Variants in TRAK1 observed in about 807,000 individuals in gnomAD.
TRAK1 encodes trafficking kinesin protein 1, also known as trafficking kinesin-binding protein 1.
In TRAK1, 33 loss-of-function variants were observed where a neutral mutation model predicts 92.1. The ratio of observed to expected loss-of-function variants is 0.36; its 90% confidence interval spans 0.27 to 0.48. The LOEUF (loss-of-function observed/expected upper bound fraction) is 0.48. Among genes scored for constraint, TRAK1 ranks in the 20% least tolerant of loss-of-function variants. TRAK1 has a pLI of 0.99. For missense variants in TRAK1, 1,123 were observed against 1,257.9 expected (o/e 0.89, Z 1.62); for synonymous variants, 521 against 517.3 (o/e 1.01, Z -0.10).
intron 1 of TRAK1, among the ~76,000 whole-genome samples, chr3:42,057,651 A>G (rs1043517555): frequency 2.6e-5 from 4 of 151,962 alleles, no homozygotes; most frequent in African/African-American, 9.7e-5. Flanking sequence ...TGCTGCTCTC[A>G]TCTTGTGATC....
At chr3:42,109,966 C>CA (rs979037700) in intron 1 of TRAK1, among the ~76,000 whole-genome samples, 10 of 149,036 alleles carry the variant, frequency 6.7e-5, no homozygotes, top group East Asian at 2.0e-4. Flanking sequence ...GTAGGGGTGG[C>CA]GGGGGGGATG....
chr3:42,194,773 TC>T (rs1448669829), intron 9 of TRAK1, 30 bp from the exon 10 acceptor site: 1 of 1,610,812 alleles, frequency 6.2e-7, no homozygotes, highest in Non-Finnish European at 8.5e-7. Context: ...GCTCAGGAGA[TC>T]CTGACCCTCT....
At chr3:42,217,451 C>T in intron 14 of TRAK1, 1 of 985,362 alleles carries the variant, frequency 1.0e-6, no homozygotes, top group Non-Finnish European at 1.2e-6. Flanking sequence ...ATCCCCAAAA[C>T]CCATTTGTAT....
intron 1 of TRAK1, among the ~76,000 whole-genome samples, chr3:42,093,668 TCCCCTCCCCTCCCC>T (rs1705454991): frequency 2.6e-4 from 2 of 7,676 alleles, no homozygotes; most frequent in Non-Finnish European, 7.3e-4. Context: ...TTCCCTTCCC[TCCCCTCCCCTCCCC>T]TCCCCTCCCC....
chr3:42,217,762 G>A, intron 14 of TRAK1: 2 of 985,306 alleles, frequency 2.0e-6, no homozygotes, highest in Non-Finnish European at 2.4e-6. Context: ...TATTTGGGAT[G>A]CTCTTCCCAG....
At position 42,151,518 on chromosome 3, in the gene TRAK1, C is replaced by T. The variant is rs1277856377; in HGVS notation, c.287-25296C>T. ...AAATACTTGTCCTTTATCATCTATC[C>T]CATTTTGGATGAAGGGAAGAAGGTT... is the stretch of plus-strand genomic sequence containing the variant. On this transcript the variant is annotated intron_variant, in intron 2 of 15. Coordinates refer to ENST00000327628, the MANE Select transcript of TRAK1 (RefSeq NM_001042646.3). 3 of 318,598 alleles carry T rather than the reference C, an allele frequency of 9.4e-6. No homozygotes were observed. In the East Asian group the frequency reaches 3.2e-4, roughly 34 times the overall value. The allele number at this position is 318,598 out of a possible 1,614,324, so 19.7% of individuals were successfully genotyped here.
Position 42,223,184 on chromosome 3 carries a change from C to T in TRAK1, c.2309C>T (p.Ser770Phe), listed in dbSNP as rs1292685304. ...DRAGRGSLLH[S>F]YTPKMAVIPS... The stretch of plus-strand genomic sequence containing the variant: ...GCCGGCCGGGGCTCCCTCCTGCACT[C>T]CTACACGCCCAAGATGGCTGTGATC... Residue 770 changes from serine to phenylalanine, a missense_variant, in exon 16 of 16, where the codon TCC becomes TTC. Coordinates refer to ENST00000327628, the MANE Select transcript of TRAK1 (RefSeq NM_001042646.3). This position sits in a 1 kb window ranked among gnomAD's most constrained non-coding sequence, Gnocchi z 6.1. 6.2e-7 allele frequency: 1 copy of T among 1,614,122 alleles called. No homozygotes were observed. The highest frequency in any genetic ancestry group is 8.5e-7 in the Non-Finnish European group (1 of 1,180,004).
At chr3:42,150,335 C>T (rs1190941203) in intron 2 of TRAK1, among the ~76,000 whole-genome samples, 5 of 152,082 alleles carry the variant, frequency 3.3e-5, no homozygotes, top group East Asian at 1.9e-4. Flanking sequence ...CACTGAGGTG[C>T]GTTCTCAGAG....
chr3:42,090,118 A>C (rs1304740895), upstream of TRAK1, among the ~76,000 whole-genome samples: 4 of 152,162 alleles, frequency 2.6e-5, no homozygotes, highest in Non-Finnish European at 4.4e-5. Flanking sequence ...TTGGCTGTAC[A>C]CCGAGGTTAG....
At chr3:42,039,545 G>A (rs535279171) in intron 1 of TRAK1, among the ~76,000 whole-genome samples, 2 of 152,260 alleles carry the variant, frequency 1.3e-5, no homozygotes, top group East Asian at 3.9e-4. Flanking sequence ...TGTATTTTTA[G>A]TAGAGACAGG....
chr3:42,189,140 T>C lies in TRAK1; in HGVS notation c.690+16T>C, dbSNP rs952836516. The C allele has an allele frequency of 6.3e-7, 1 of 1,589,832 alleles. No homozygotes were observed. The highest frequency in any genetic ancestry group is 1.1e-5 in the South Asian group (1 of 90,448). On this transcript the variant is annotated intron_variant, in intron 6 of 15. Transcript: ENST00000327628. ...TCGATCCGAGGTGATGTGCCCTCCC[T>C]TCTCTTGCCCCTGCTAGAAGGGTGG...
intron 1 of TRAK1, among the ~76,000 whole-genome samples, chr3:42,117,977 G>A (rs766193283): frequency 8.6e-5 from 13 of 151,958 alleles, no homozygotes; most frequent in African/African-American, 2.2e-4. Flanking sequence ...GTGCTGCCAC[G>A]CCCAGATAAT....
intron 1 of TRAK1, among the ~76,000 whole-genome samples, chr3:42,091,793 C>G (rs539406583): frequency 6.6e-6 from 1 of 152,100 alleles, no homozygotes; most frequent in Non-Finnish European, 1.5e-5. Context: ...GTCCCCTTGT[C>G]CCCTTGCCCA....
chr3:42,107,552 A>C (rs1004893946), intron 1 of TRAK1, among the ~76,000 whole-genome samples: 2 of 152,060 alleles, frequency 1.3e-5, no homozygotes, highest in Non-Finnish European at 2.9e-5. Context: ...ATTTATAAAC[A>C]AGAAACTTCA....
Position 42,200,978 on chromosome 3 carries a change from G to A in TRAK1, c.1351G>A (p.Gly451Ser), listed in dbSNP as rs1245626975. The A allele has an allele frequency of 5.6e-6, 9 of 1,614,038 alleles. No individual in the cohort carries two copies. Among genetic ancestry groups the A allele is most frequent in the South Asian group, 2.2e-5 (2 of 91,078 alleles). Residue 451 changes from glycine to serine, a missense_variant, in exon 12 of 16, where the codon GGC (glycine) becomes AGC (serine). By Grantham distance (56) the Gly-to-Ser change is moderately conservative (BLOSUM62 0). Transcript: ENST00000327628. ...CAGCACCCCCCGGTCCAGCTTCTAC[G>A]GCAGCGACATAGGCAACGTCGTCCT... ...CVSTPRSSFYGSDIGNVVLDN... is the reference protein window; with the variant it reads ...CVSTPRSSFYSSDIGNVVLDN...
At chr3:42,042,047 C>A (rs1164457677) in intron 1 of TRAK1, among the ~76,000 whole-genome samples, 1 of 152,156 alleles carries the variant, frequency 6.6e-6, no homozygotes, top group African/African-American at 2.4e-5. Flanking sequence ...TTGCCTCGGC[C>A]TCCCAAAGTG....
In TRAK1 at chr3:42,091,409, G is replaced by C; in HGVS notation, c.-61G>C. On this transcript the variant is annotated 5_prime_UTR_variant, in exon 1 of 16. Transcript: ENST00000327628. The stretch of plus-strand genomic sequence containing the variant: ...GGTGGCTGTGCGAGGTACTGCCGGG[G>C]CTGAGCTCTCATGGAGGCTCTCTCT... The C allele has an allele frequency of 6.6e-7, 1 of 1,517,624 alleles. No homozygotes were observed. The highest frequency in any genetic ancestry group is 9.1e-7 in the Non-Finnish European group (1 of 1,102,088). 94.0% of individuals were successfully genotyped at this position (1,517,624 alleles called of 1,614,324 possible).
At chr3:42,077,415 A>G (rs747917094) in intron 1 of TRAK1, among the ~76,000 whole-genome samples, 12 of 152,124 alleles carry the variant, frequency 7.9e-5, no homozygotes, top group Non-Finnish European at 1.5e-4. Context: ...CAGCCTCCCA[A>G]GTAGCTGGGA....
At chr3:42,103,988 ATGGTC>A (rs1451753086) in intron 1 of TRAK1, among the ~76,000 whole-genome samples, 1 of 152,142 alleles carries the variant, frequency 6.6e-6, no homozygotes, top group Non-Finnish European at 1.5e-5. Flanking sequence ...CGCTTTTCCA[ATGGTC>A]TTAGCAAATA....
Sources: gnomAD v4.1 joint callset for allele counts (sites outside exome capture counted in the v4.1 genomes callset) on GRCh38, gnomAD v4.1.1 for gene constraint, Gnocchi (gnomAD v3.1) non-coding constraint, MANE v1.5 for transcripts, NCBI Gene and HGNC (gene_info 2026-07-23, HGNC 2026-07-21) for gene names.